Variants in JPH1 observed in about 807,000 individuals in gnomAD.
JPH1 encodes the protein junctophilin-1.
Under a neutral mutation model 53.6 loss-of-function variants are expected in JPH1, and 12 were observed. The ratio of observed to expected loss-of-function variants is 0.22; its 90% confidence interval spans 0.14 to 0.36. The LOEUF (loss-of-function observed/expected upper bound fraction) is 0.36, where lower values mean the gene tolerates loss of function less well. JPH1 is among the 10% of genes least tolerant of loss of function. The probability of loss-of-function intolerance (pLI) is 1.00; values close to 1 mark genes in which losing one functional copy is unlikely to be tolerated. For missense variants in JPH1, 808 were observed against 905.5 expected (o/e 0.89, Z 1.38); for synonymous variants, 375 against 363.8 (o/e 1.03, Z -0.35).
intron 2 of JPH1, among the ~76,000 whole-genome samples, chr8:74,290,898 T>G (rs1357772883): frequency 2.0e-5 from 3 of 152,214 alleles, no homozygotes; most frequent in African/African-American, 4.8e-5. Context: ...CCCTATTTAA[T>G]AAATGATGCT....
chr8:74,244,752 T>G lies in JPH1; in HGVS notation c.1682A>C (p.Gln561Pro). The part of the protein sequence containing the change: ...HGYYVKLNAP[Q>P]HPPVDVEDGD... ...GTCCTCCACGTCTACTGGAGGGTGC[T>G]GGGGGGCGTTCAGCTTCACGTAGTA... Residue 561 changes from glutamine to proline, a missense_variant, in exon 4 of 6, where the codon CAG becomes CCG. This residue lies in a region of JPH1 where 756 missense variants were observed against 811.9 expected (regional missense o/e 0.93). Transcript: ENST00000342232. The G allele has an allele frequency of 5.6e-6, 9 of 1,614,130 alleles. No individual in the cohort carries two copies. The highest frequency in any genetic ancestry group is 7.6e-6 in the Non-Finnish European group (9 of 1,180,020).
intron 3 of JPH1, among the ~76,000 whole-genome samples, chr8:74,248,475 CGA>C (rs1159282175): frequency 1.3e-5 from 2 of 152,114 alleles, no homozygotes; most frequent in African/African-American, 4.8e-5. Flanking sequence ...ACAAATGATC[CGA>C]GTGATTCTAA....
chr8:74,241,128 T>C lies in JPH1; in HGVS notation c.1905+3401A>G, dbSNP rs1220686100. ...GTTCTAATATACACACACATATATA[T>C]TTATCCTACCAGGGTGGCTCCACTT... On this transcript the variant is annotated intron_variant, in intron 4 of 5. Transcript: ENST00000342232. Among the ~76,000 whole-genome samples the C allele has an allele frequency of 5.3e-5, 8 of 152,130 alleles. No homozygotes were observed. The East Asian group carries it at 1.3e-3, about 26-fold the overall frequency.
At chr8:74,248,990 C>G (rs890344529) in intron 3 of JPH1, among the ~76,000 whole-genome samples, 1 of 152,278 alleles carries the variant, frequency 6.6e-6, no homozygotes, top group South Asian at 2.1e-4. Flanking sequence ...CCTGGAGACT[C>G]ATATTGGGAA....
At chr8:74,310,829 T>C (rs564292055) in intron 2 of JPH1, among the ~76,000 whole-genome samples, 1 of 152,314 alleles carries the variant, frequency 6.6e-6, no homozygotes, top group East Asian at 1.9e-4. Context: ...GTGCGTCCAT[T>C]TCCCAGGGAC....
intron 3 of JPH1, 147 bp downstream of exon 3, chr8:74,259,238 T>G (rs1048951877): frequency 1.6e-6 from 1 of 609,042 alleles, no homozygotes; most frequent in Non-Finnish European, 2.9e-6. Context: ...AGATGAAGGA[T>G]CCTCAACCGC....
chr8:74,270,398 T>A (rs1171523331), intron 2 of JPH1, among the ~76,000 whole-genome samples: 3 of 152,194 alleles, frequency 2.0e-5, no homozygotes, highest in Non-Finnish European at 4.4e-5. Flanking sequence ...AGTTTACCTA[T>A]TTTTAGCATT....
chr8:74,244,478 G>A (rs749665612), intron 4 of JPH1, 51 bp downstream of exon 4: 1 of 1,539,326 alleles, frequency 6.5e-7, no homozygotes, highest in Admixed American at 2.0e-5. Flanking sequence ...ACAGCTCGCT[G>A]AAAGAAACAA....
Position 74,320,870 on chromosome 8 carries a change from A to C in JPH1, c.379+39T>G. The C allele has an allele frequency of 6.8e-7, 1 of 1,476,130 alleles. No individual in the cohort carries two copies. The highest frequency in any genetic ancestry group is 9.0e-7 in the Non-Finnish European group (1 of 1,115,516). The allele number at this position is 1,476,130 out of a possible 1,614,324, so 91.4% of individuals were successfully genotyped here. On this transcript the variant is annotated intron_variant, in intron 1 of 5. Transcript: ENST00000342232. The surrounding 1 kb of genome is among the most constrained non-coding windows in gnomAD (Gnocchi z 4.4). The stretch of plus-strand genomic sequence containing the variant: ...CAGCCGGGGCAGAGCCCACCGCACC[A>C]GCTCGCGGAGCAGCCGAGCCGCCCG...
At position 74,270,518 on chromosome 8, in the gene JPH1, G is replaced by C. The variant is rs1189409665; in HGVS notation, c.1140-11015C>G. Among the ~76,000 whole-genome samples, 4 of 152,226 alleles carry C rather than the reference G, an allele frequency of 2.6e-5. No homozygotes were observed. In the South Asian group the frequency reaches 8.3e-4, roughly 32 times the overall value. The stretch of plus-strand genomic sequence containing the variant: ...AAGCAGAAACAAATATGTAAACCAG[G>C]GTGACTCGTTTCTGTTTAGTACCCT... On this transcript the variant is annotated intron_variant, in intron 2 of 5. Coordinates refer to ENST00000342232, the MANE Select transcript of JPH1 (RefSeq NM_020647.4).
At chr8:74,264,362 T>C (rs1401245519) in intron 2 of JPH1, among the ~76,000 whole-genome samples, 1 of 152,232 alleles carries the variant, frequency 6.6e-6, no homozygotes, top group Non-Finnish European at 1.5e-5. Flanking sequence ...GACAGAATTC[T>C]TATGTCCTGG....
Position 74,298,197 on chromosome 8 carries a change from T to C in JPH1, c.1139+16664A>G, listed in dbSNP as rs74593978. Among the ~76,000 whole-genome samples the C allele has an allele frequency of 1.7e-3, 256 of 152,352 alleles. 1 individual carries two copies. Among genetic ancestry groups the C allele is most frequent in the Non-Finnish European group, 3.0e-3 (205 of 68,034 alleles). Reference sequence around the variant, plus strand: ...TTATCTTTTTATCTATCACCTTGAATGTCCACACATCAGATTCACTATCTT... The same window carrying C: ...TTATCTTTTTATCTATCACCTTGAACGTCCACACATCAGATTCACTATCTT... On this transcript the variant is annotated intron_variant, in intron 2 of 5. Transcript: ENST00000342232.
chr8:74,296,159 A>C (rs1420169250), intron 2 of JPH1, among the ~76,000 whole-genome samples: 2 of 152,066 alleles, frequency 1.3e-5, no homozygotes, highest in East Asian at 3.9e-4. Context: ...AATCAAAACC[A>C]AGTATTTGGA....
chr8:74,315,875 C>T lies in JPH1; in HGVS notation c.380-255G>A, dbSNP rs1440658355. 1.3e-5 allele frequency among the ~76,000 whole-genome samples: 2 copies of T among 152,154 alleles called. No individual in the cohort carries two copies. Among genetic ancestry groups the T allele is most frequent in the African/African-American group, 4.8e-5 (2 of 41,442 alleles). ...TCATTAAAATTTTATGCAAGTATTT[C>T]AGAGGAAAACCACTACTTTCTAATA... On this transcript the variant is annotated intron_variant, in intron 1 of 5. Coordinates refer to ENST00000342232, the MANE Select transcript of JPH1 (RefSeq NM_020647.4). The surrounding 1 kb of genome is among the most constrained non-coding windows in gnomAD (Gnocchi z 6.3).
At chr8:74,289,899 C>T (rs1586760663) in intron 2 of JPH1, among the ~76,000 whole-genome samples, 1 of 152,170 alleles carries the variant, frequency 6.6e-6, no homozygotes, top group East Asian at 1.9e-4. Flanking sequence ...CTGAACCAGC[C>T]TTGCATCCCA....
chr8:74,306,120 C>T (rs1472033994), intron 2 of JPH1, among the ~76,000 whole-genome samples: 1 of 152,144 alleles, frequency 6.6e-6, no homozygotes, highest in African/African-American at 2.4e-5. Flanking sequence ...TGACCCGTTG[C>T]GTGGTGAGTG....
chr8:74,280,917 C>T (rs967360405), intron 2 of JPH1, among the ~76,000 whole-genome samples: 10 of 152,138 alleles, frequency 6.6e-5, no homozygotes, highest in East Asian at 1.9e-4. Context: ...GGTTATTATT[C>T]GCTCTAATTT....
chr8:74,286,258 G>T (rs748110080), intron 2 of JPH1, among the ~76,000 whole-genome samples: 2 of 151,808 alleles, frequency 1.3e-5, no homozygotes, highest in Non-Finnish European at 2.9e-5. Context: ...TTTTTTCTGC[G>T]TTTCTTCTTA....
chr8:74,317,920 T>C (rs1250807947), intron 1 of JPH1, among the ~76,000 whole-genome samples: 1 of 152,152 alleles, frequency 6.6e-6, no homozygotes, highest in Non-Finnish European at 1.5e-5. Flanking sequence ...ATTAGAAAGT[T>C]TAAGTCTCTG....
Sources: allele counts gnomAD v4.1 joint callset (sites outside exome capture counted in the v4.1 genomes callset), GRCh38; gene constraint gnomAD v4.1.1; regional missense constraint gnomAD v4.1.1; non-coding constraint Gnocchi (gnomAD v3.1); transcripts MANE v1.5; gene names NCBI Gene and HGNC (gene_info 2026-07-23, HGNC 2026-07-21).